Variants in SMAD6 observed in about 807,000 individuals in gnomAD.
The protein encoded by SMAD6 is SMAD family member 6, also known as MAD homolog 6.
Under a neutral mutation model 39.4 loss-of-function variants are expected in SMAD6, and 103 were observed. The observed-to-expected ratio is 2.62, with a 90% CI of 2.23 to 3.08. The LOEUF is 3.08. Among genes scored for constraint, SMAD6 ranks in the 30% most tolerant of loss-of-function variants. The pLI is 0.00. For missense variants in SMAD6, 1,104 were observed against 742.9 expected, an observed-to-expected ratio of 1.49 and a Z score of -5.65; for synonymous variants, 445 against 353.3, an observed-to-expected ratio of 1.26 and a Z score of -2.91.
chr15:66,738,331 G>A (rs1893750274), intron 3 of SMAD6, among the ~76,000 whole-genome samples: 1 of 152,176 alleles, frequency 6.6e-6, no homozygotes, highest in Non-Finnish European at 1.5e-5. Context: ...TGCAGCGGGT[G>A]CATACTCCAG....
In SMAD6 at chr15:66,703,816, C is replaced by A; in HGVS notation, c.558C>A (p.Arg186=). ...CGCTGCTGAAGCGGCTCAAGGAGCGCTCGCTGGACACGCTGCTGGAGGCGG... is the reference window on the plus strand; with the variant it reads ...CGCTGCTGAAGCGGCTCAAGGAGCGATCGCTGGACACGCTGCTGGAGGCGG... ...TYSLLKRLKE[R]SLDTLLEAVE... The change falls in exon 1 of 4, where the codon CGC becomes CGA. Residue 186 remains arginine (R), a synonymous_variant. Transcript: ENST00000288840. 2 of 1,426,960 alleles carry A rather than the reference C, an allele frequency of 1.4e-6. No homozygotes were observed. Among genetic ancestry groups the A allele is most frequent in the Non-Finnish European group, 1.9e-6 (2 of 1,079,232 alleles). The allele number at this position is 1,426,960 out of a possible 1,614,324, so 88.4% of individuals were successfully genotyped here. A position where few individuals can be genotyped will look rare whatever the true frequency, so the allele number is the denominator to read the frequency against.
intron 3 of SMAD6, among the ~76,000 whole-genome samples, chr15:66,763,468 C>T (rs1894237881): frequency 6.6e-6 from 1 of 152,220 alleles, no homozygotes; most frequent in Non-Finnish European, 1.5e-5. Context: ...AGGGCCGTCT[C>T]CTTGAGCTGG....
rs190755193 is a variant in SMAD6 at position 66,774,378 on chromosome 15, A to C, written c.953-6619A>C. On this transcript the variant is annotated intron_variant, in intron 3 of 3. Coordinates refer to ENST00000288840, the MANE Select transcript of SMAD6 (RefSeq NM_005585.5). ...TGTCCCTGCACCCCCACAAAATTACATGTTGGGCTCGCAGCACCCTCCCTG... is the reference window on the plus strand; with the variant it reads ...TGTCCCTGCACCCCCACAAAATTACCTGTTGGGCTCGCAGCACCCTCCCTG... 5.1e-3 allele frequency among the ~76,000 whole-genome samples: 781 copies of C among 152,224 alleles called. 7 individuals are homozygous for C. The highest frequency in any genetic ancestry group is 0.018 in the African/African-American group (734 of 41,540).
rs1458698407 is a variant in SMAD6 at position 66,710,860 on chromosome 15, C to T, written c.818-808C>T. ...GCTGTAGAGAGCTTGTGTTCCACCC[C>T]TGTCCTTTACAAAAGGGGAGACTGA... On this transcript the variant is annotated intron_variant, in intron 1 of 3. Transcript: ENST00000288840. Among the ~76,000 whole-genome samples the T allele has an allele frequency of 2.0e-5, 3 of 152,324 alleles. No homozygotes were observed. In the East Asian group the frequency reaches 5.8e-4, roughly 29 times the overall value.
intron 3 of SMAD6, among the ~76,000 whole-genome samples, chr15:66,759,137 T>G (rs1467432520): frequency 6.6e-6 from 1 of 152,246 alleles, no homozygotes; most frequent in Non-Finnish European, 1.5e-5. Flanking sequence ...CAAATTTCTC[T>G]TTTGCTGATT....
chr15:66,762,193 A>G (rs546546004), intron 3 of SMAD6, among the ~76,000 whole-genome samples: 2 of 152,378 alleles, frequency 1.3e-5, no homozygotes, highest in Admixed American at 6.5e-5. Flanking sequence ...TTACAAAAAC[A>G]AGAGTCTCCC....
chr15:66,734,662 C>T (rs144093117), intron 3 of SMAD6, among the ~76,000 whole-genome samples: 9 of 152,230 alleles, frequency 5.9e-5, no homozygotes, highest in African/African-American at 2.2e-4. Context: ...AGTGAAAGAG[C>T]TGCGATGAGA....
At chr15:66,731,502 C>T (rs377560315) in intron 3 of SMAD6, among the ~76,000 whole-genome samples, 3 of 151,850 alleles carry the variant, frequency 2.0e-5, no homozygotes, top group African/African-American at 7.3e-5. Flanking sequence ...CCCTGAGCTG[C>T]TGGCATTCAG....
chr15:66,730,317 A>C (rs1175244563), intron 3 of SMAD6, among the ~76,000 whole-genome samples: 2 of 151,908 alleles, frequency 1.3e-5, no homozygotes, highest in Admixed American at 1.3e-4. Context: ...GTTACATCTG[A>C]TTTGTCGGTA....
chr15:66,772,084 G>T (rs572080362), intron 3 of SMAD6, among the ~76,000 whole-genome samples: 1 of 152,188 alleles, frequency 6.6e-6, no homozygotes, highest in African/African-American at 2.4e-5. Context: ...GAACCCCCAC[G>T]TGGCTTGGAG....
At chr15:66,769,350 G>A (rs1363379005) in intron 3 of SMAD6, among the ~76,000 whole-genome samples, 1 of 152,214 alleles carries the variant, frequency 6.6e-6, no homozygotes, top group Admixed American at 6.5e-5. Context: ...GCCCTCAAAA[G>A]TAGGTAGCTG....
At chr15:66,729,611 G>T (rs1018112465) in intron 3 of SMAD6, among the ~76,000 whole-genome samples, 2 of 152,164 alleles carry the variant, frequency 1.3e-5, no homozygotes, top group Non-Finnish European at 2.9e-5. Flanking sequence ...GGGGCGCCGG[G>T]CCCCTCTGAC....
rs115023827 is a variant in SMAD6 at position 66,772,529 on chromosome 15, A to G, written c.953-8468A>G. ...TGAACTATACAGGCTGAGTCAATCT[A>G]TCATATAATTTATATACACATGTAG... On this transcript the variant is annotated intron_variant, in intron 3 of 3. Transcript: ENST00000288840. Among the ~76,000 whole-genome samples, 541 of 152,338 alleles carry G rather than the reference A, an allele frequency of 3.6e-3. 5 individuals are homozygous for G. Among genetic ancestry groups the G allele is most frequent in the African/African-American group, 0.013 (531 of 41,584 alleles).
At chr15:66,733,572 C>G (rs1351238073) in intron 3 of SMAD6, among the ~76,000 whole-genome samples, 1 of 152,158 alleles carries the variant, frequency 6.6e-6, no homozygotes, top group African/African-American at 2.4e-5. Context: ...TACTTTTAAA[C>G]ATTCTCCAGT....
intron 3 of SMAD6, among the ~76,000 whole-genome samples, chr15:66,780,166 G>C (rs957512405): frequency 1.3e-5 from 2 of 152,132 alleles, no homozygotes; most frequent in Admixed American, 6.5e-5. Context: ...TGTCATTTAG[G>C]GACCCTCAGC....
At position 66,781,531 on chromosome 15, in the gene SMAD6, GA is replaced by G. The variant is rs2140682691; in HGVS notation, c.1488del (p.Arg496SerfsTer43). 3 of 1,436,236 alleles carry G rather than the reference GA, an allele frequency of 2.1e-6. No individual in the cohort carries two copies. Among genetic ancestry groups the G allele is most frequent in the Non-Finnish European group, 2.8e-6 (3 of 1,077,782 alleles). 89.0% of individuals were successfully genotyped at this position (1,436,236 alleles called of 1,614,324 possible). A position where few individuals can be genotyped will look rare whatever the true frequency, so the allele number is the denominator to read the frequency against. On this transcript the variant is annotated frameshift_variant, in exon 4 of 4. Transcript: ENST00000288840. LOFTEE classifies it high-confidence loss of function. ...CTGGAGATCCTCCTCAACAACCCCA[GA>G]TAGTGGCGGCCCCGGCGGGAGGGGC... ...CWLEILLNNP[R>X]
At chr15:66,752,770 G>A (rs891187154) in intron 3 of SMAD6, among the ~76,000 whole-genome samples, 5 of 152,088 alleles carry the variant, frequency 3.3e-5, no homozygotes, top group East Asian at 1.9e-4. Flanking sequence ...TCCAGCCTGG[G>A]CAGCAGAGTG....
chr15:66,715,987 GA>G (rs1313068063), intron 2 of SMAD6, among the ~76,000 whole-genome samples: 2 of 152,022 alleles, frequency 1.3e-5, no homozygotes, highest in Non-Finnish European at 2.9e-5. Flanking sequence ...CGGGAGGGAG[GA>G]AGGAAGGAAG....
intron 3 of SMAD6, among the ~76,000 whole-genome samples, chr15:66,752,759 C>T (rs1894029290): frequency 6.6e-6 from 1 of 152,208 alleles, no homozygotes; most frequent in East Asian, 1.9e-4. Flanking sequence ...GCATCATTCG[C>T]TCCAGCCTGG....
Sources: allele counts gnomAD v4.1 joint callset (sites outside exome capture counted in the v4.1 genomes callset), GRCh38; gene constraint gnomAD v4.1.1; transcripts MANE v1.5; gene names NCBI Gene and HGNC (gene_info 2026-07-23, HGNC 2026-07-21).